The following PTPRD variants were observed in gnomAD, a reference collection of about 807,000 sequenced individuals.
PTPRD encodes receptor-type tyrosine-protein phosphatase delta.
Under a neutral mutation model 214.5 loss-of-function variants are expected in PTPRD, and 34 were observed. The ratio of observed to expected loss-of-function variants is 0.16; its 90% CI spans 0.12 to 0.21. The LOEUF (loss-of-function observed/expected upper bound fraction) is 0.21, where lower values mean the gene tolerates loss of function less well. PTPRD is among the 10% of genes least tolerant of loss of function. The probability of loss-of-function intolerance (pLI) is 1.00; values close to 1 mark genes in which losing one functional copy is unlikely to be tolerated. For missense variants in PTPRD, 2,545 were observed against 2,398.7 expected, an observed-to-expected ratio of 1.06 and a Z score of -1.27; for synonymous variants, 1,128 against 845.7, an observed-to-expected ratio of 1.33 and a Z score of -5.79.
chr9:8,610,258 C>T (rs1268819685), intron 14 of PTPRD, among the ~76,000 whole-genome samples: 1 of 152,226 alleles, frequency 6.6e-6, no homozygotes, highest in African/African-American at 2.4e-5. Flanking sequence ...AAAAGTAAAA[C>T]ACATATATAT....
chr9:10,219,077 A>G (rs2099554319), intron 3 of PTPRD, among the ~76,000 whole-genome samples: 1 of 151,858 alleles, frequency 6.6e-6, no homozygotes, highest in African/African-American at 2.4e-5. Context: ...ACAAGCTGTA[A>G]CTACTTAATC....
intron 39 of PTPRD, among the ~76,000 whole-genome samples, chr9:8,366,539 T>C (rs2079925993): frequency 6.6e-6 from 1 of 152,166 alleles, no homozygotes; most frequent in Non-Finnish European, 1.5e-5. Flanking sequence ...TTTGGTAAAT[T>C]TCTGTGATTT....
chr9:9,939,448 T>C (rs1416289410), intron 4 of PTPRD, among the ~76,000 whole-genome samples: 1 of 152,166 alleles, frequency 6.6e-6, no homozygotes, highest in Non-Finnish European at 1.5e-5. Context: ...GATTTGGAGT[T>C]TGTTGCTGAA....
intron 9 of PTPRD, among the ~76,000 whole-genome samples, chr9:9,253,769 T>A (rs967161732): frequency 7.9e-5 from 12 of 152,260 alleles, no homozygotes; most frequent in African/African-American, 2.9e-4. Flanking sequence ...ACTGTATTTG[T>A]TTCTGAGAAC....
intron 9 of PTPRD, among the ~76,000 whole-genome samples, chr9:9,359,751 T>C (rs2055277065): frequency 6.6e-6 from 1 of 151,230 alleles, no homozygotes; most frequent in African/African-American, 2.4e-5. Context: ...ATGACTTTAT[T>C]GACATCTGAC....
At chr9:9,240,804 C>T (rs2099970001) in intron 9 of PTPRD, among the ~76,000 whole-genome samples, 1 of 152,126 alleles carries the variant, frequency 6.6e-6, no homozygotes, top group Admixed American at 6.6e-5. Flanking sequence ...TTTTATGCCA[C>T]AGAAACAACC....
At chr9:8,434,250 G>C (rs574130984) in intron 35 of PTPRD, among the ~76,000 whole-genome samples, 1 of 152,072 alleles carries the variant, frequency 6.6e-6, no homozygotes, top group Non-Finnish European at 1.5e-5. Flanking sequence ...CAAAATGCTG[G>C]GATTACACAA....
chr9:8,500,886 G>T lies in PTPRD; in HGVS notation c.1996C>A (p.Pro666Thr), dbSNP rs1327875256. Residue 666 changes from proline to threonine, a missense_variant, in exon 24 of 46, where the codon CCT becomes ACT. Transcript: ENST00000381196. Reference protein sequence around the residue: ...DDKPHEILGIPSDTTKYLLEQ... With the variant: ...DDKPHEILGITSDTTKYLLEQ... ...AAAAGGTATTTGGTAGTGTCCGAAGGAATTCCCAAAATCTCGTGAGGCTTG... is the reference window on the plus strand; with the variant it reads ...AAAAGGTATTTGGTAGTGTCCGAAGTAATTCCCAAAATCTCGTGAGGCTTG... The T allele has an allele frequency of 6.2e-7, 1 of 1,614,116 alleles. No individual in the cohort carries two copies. The highest frequency in any genetic ancestry group is 2.2e-5 in the East Asian group (1 of 44,878).
At chr9:8,947,462 C>CAAAAAAAAA (rs138279192) in intron 11 of PTPRD, among the ~76,000 whole-genome samples, 2 of 93,032 alleles carry the variant, frequency 2.1e-5, no homozygotes, top group African/African-American at 4.0e-5. Context: ...GACTCTGTCT[C>CAAAAAAAAA]AAAAAAAAAA....
intron 2 of PTPRD, among the ~76,000 whole-genome samples, chr9:10,467,166 G>A (rs1344973682): frequency 6.6e-6 from 1 of 152,142 alleles, no homozygotes; most frequent in African/African-American, 2.4e-5. Flanking sequence ...AGAGTACAGT[G>A]AGAAGAGTAT....
intron 2 of PTPRD, among the ~76,000 whole-genome samples, chr9:10,470,565 G>T (rs972865058): frequency 6.6e-6 from 1 of 152,272 alleles, no homozygotes; most frequent in East Asian, 1.9e-4. Flanking sequence ...CTCCTCAGGA[G>T]AAAAAGAAGT....
chr9:10,479,662 C>CATAAATACATAAATAAAT (rs1296695008), intron 2 of PTPRD, among the ~76,000 whole-genome samples: 18,314 of 51,788 alleles, frequency 0.35, 1,276 homozygotes, highest in Middle Eastern at 0.43. Flanking sequence ...AATAAATAAA[C>CATAAATACATAAATAAAT]AAAAATACAA....
intron 7 of PTPRD, among the ~76,000 whole-genome samples, chr9:9,638,584 G>A (rs187300754): frequency 6.6e-6 from 1 of 152,150 alleles, no homozygotes; most frequent in African/African-American, 2.4e-5. Context: ...TCACCCTAAT[G>A]CTCCATTCAT....
At chr9:8,363,254 T>G (rs561631624) in intron 39 of PTPRD, among the ~76,000 whole-genome samples, 3 of 152,192 alleles carry the variant, frequency 2.0e-5, no homozygotes. Flanking sequence ...GAGGACAGTA[T>G]AATTTAAAAA....
chr9:9,182,334 T>A (rs1249700852), intron 10 of PTPRD, among the ~76,000 whole-genome samples: 3 of 152,030 alleles, frequency 2.0e-5, no homozygotes. Context: ...ATAGGGACGG[T>A]GATATTCTTT....
At chr9:9,152,853 A>T (rs1407366116) in intron 10 of PTPRD, among the ~76,000 whole-genome samples, 2 of 152,202 alleles carry the variant, frequency 1.3e-5, no homozygotes, top group Non-Finnish European at 2.9e-5. Context: ...GCTTGATTAG[A>T]ATCTTCGTGA....
At chr9:10,062,362 T>A (rs1014195695) in intron 3 of PTPRD, among the ~76,000 whole-genome samples, 1 of 152,022 alleles carries the variant, frequency 6.6e-6, no homozygotes, top group Admixed American at 6.6e-5. Flanking sequence ...TCCCAGCATT[T>A]TGGGAGGCCA....
At chr9:9,997,191 G>T (rs1488062470) in intron 4 of PTPRD, among the ~76,000 whole-genome samples, 1 of 151,772 alleles carries the variant, frequency 6.6e-6, no homozygotes, top group East Asian at 1.9e-4. Context: ...TTCTAAAATT[G>T]AAAGCAAAAT....
chr9:10,468,263 A>T (rs375832207), intron 2 of PTPRD, among the ~76,000 whole-genome samples: 51 of 152,354 alleles, frequency 3.3e-4, no homozygotes, highest in African/African-American at 1.2e-3. Context: ...AGGCCCACCA[A>T]TGATAGACTG....
Sources: allele counts gnomAD v4.1 joint callset (sites outside exome capture counted in the v4.1 genomes callset), GRCh38; gene constraint gnomAD v4.1.1; transcripts MANE v1.5; gene names NCBI Gene and HGNC (gene_info 2026-07-23, HGNC 2026-07-21).